The following ZNRF2 variants were observed in gnomAD, a reference collection of about 807,000 sequenced individuals.
ZNRF2 encodes zinc and ring finger 2.
Under a neutral mutation model 20.4 loss-of-function variants are expected in ZNRF2, and 16 were observed. The observed-to-expected ratio is 0.79, with a 90% CI of 0.53 to 1.19. ZNRF2 has a LOEUF of 1.19. Ranked by LOEUF, ZNRF2 falls within the 50% of genes most tolerant of loss-of-function variation. The probability of loss-of-function intolerance (pLI) is 0.00; values close to 1 mark genes in which losing one functional copy is unlikely to be tolerated. For synonymous variants in ZNRF2, 178 were observed against 144.9 expected, an observed-to-expected ratio of 1.23 and a Z score of -1.64; for missense variants, 363 against 332.4, an observed-to-expected ratio of 1.09 and a Z score of -0.72.
intron 2 of ZNRF2, among the ~76,000 whole-genome samples, chr7:30,326,076 A>G (rs1030044096): frequency 6.6e-6 from 1 of 152,082 alleles, no homozygotes; most frequent in African/African-American, 2.4e-5. Context: ...AGTATTCTGT[A>G]TGTTTACTTT....
intron 2 of ZNRF2, among the ~76,000 whole-genome samples, chr7:30,344,007 C>A (rs1799838553): frequency 6.7e-6 from 1 of 149,978 alleles, no homozygotes; most frequent in Non-Finnish European, 1.5e-5. Context: ...GCAACCTCTG[C>A]CTCCCAGGTT....
intron 2 of ZNRF2, among the ~76,000 whole-genome samples, chr7:30,354,488 ATAAT>A (rs1276791982): frequency 6.6e-6 from 1 of 152,172 alleles, no homozygotes; most frequent in Non-Finnish European, 1.5e-5. Context: ...TCTCAAATGA[ATAAT>A]TAAAGGGAAG....
intron 4 of ZNRF2, among the ~76,000 whole-genome samples, chr7:30,363,751 C>T (rs1437914164): frequency 2.7e-5 from 4 of 150,600 alleles, no homozygotes; most frequent in African/African-American, 9.9e-5. Context: ...TGGGTATTTT[C>T]ATAGGGCTTT....
intron 2 of ZNRF2, among the ~76,000 whole-genome samples, chr7:30,350,378 TA>T (rs1258258836): frequency 6.6e-6 from 1 of 151,922 alleles, no homozygotes; most frequent in Non-Finnish European, 1.5e-5. Flanking sequence ...AGATGAAGAG[TA>T]GCTACATGTT....
At chr7:30,345,039 A>G (rs1364619770) in intron 2 of ZNRF2, among the ~76,000 whole-genome samples, 2 of 152,132 alleles carry the variant, frequency 1.3e-5, no homozygotes, top group Non-Finnish European at 2.9e-5. Flanking sequence ...GGTATCAACT[A>G]GGGTTGAAAT....
intron 1 of ZNRF2, among the ~76,000 whole-genome samples, chr7:30,295,387 C>T (rs1421045902): frequency 3.9e-5 from 6 of 152,108 alleles, no homozygotes; most frequent in African/African-American, 1.4e-4. Flanking sequence ...AAGCAAGTTG[C>T]TTAGTTCCTC....
rs1800027475 is a variant in ZNRF2 at position 30,355,793 on chromosome 7, A to G, written c.631A>G (p.Thr211Ala). Reference protein sequence around the residue: ...ICLEELQQGDTIARLPCLCIY... With the variant: ...ICLEELQQGDAIARLPCLCIY... ...CCTTGAAGAATTGCAGCAGGGAGAT[A>G]CTATAGCACGACTGCCTTGTCTATG... Residue 211 changes from threonine to alanine, a missense_variant, in exon 3 of 5, where the codon ACT becomes GCT. This residue lies in a region of ZNRF2 where 61 missense variants were observed against 100.9 expected (regional missense o/e 0.60). Coordinates refer to ENST00000323037, the MANE Select transcript of ZNRF2 (RefSeq NM_147128.4). 1.2e-6 allele frequency: 2 copies of G among 1,613,532 alleles called. No individual in the cohort carries two copies. The highest frequency in any genetic ancestry group is 1.1e-5 in the South Asian group (1 of 91,038).
intron 1 of ZNRF2, among the ~76,000 whole-genome samples, chr7:30,287,233 C>T (rs1210152982): frequency 3.9e-5 from 6 of 152,158 alleles, no homozygotes; most frequent in Admixed American, 3.9e-4. Context: ...GTTGAAGTTG[C>T]TGTAGTCCGC....
chr7:30,286,580 A>T (rs1465475302), intron 1 of ZNRF2, among the ~76,000 whole-genome samples: 1 of 152,222 alleles, frequency 6.6e-6, no homozygotes, highest in African/African-American at 2.4e-5. Flanking sequence ...AGTTGTGAAA[A>T]ATGGACATTT....
intron 1 of ZNRF2, among the ~76,000 whole-genome samples, chr7:30,318,690 A>G (rs1799415704): frequency 6.6e-6 from 1 of 152,208 alleles, no homozygotes; most frequent in South Asian, 2.1e-4. Context: ...TACAAAGAAA[A>G]ATCTTTTTGC....
intron 1 of ZNRF2, among the ~76,000 whole-genome samples, chr7:30,316,953 T>C (rs1799385182): frequency 6.6e-6 from 1 of 152,238 alleles, no homozygotes; most frequent in African/African-American, 2.4e-5. Flanking sequence ...TTATGTTTTA[T>C]ATAGTCTAAA....
At position 30,295,090 on chromosome 7, in the gene ZNRF2, T is replaced by A. The variant is rs1383973298; in HGVS notation, c.469+9264T>A. Among the ~76,000 whole-genome samples, 75 of 144,598 alleles carry A rather than the reference T, an allele frequency of 5.2e-4. 6 individuals are homozygous for A. The highest frequency in any genetic ancestry group is 1.9e-3 in the African/African-American group (68 of 35,976). 94.9% of individuals were successfully genotyped at this position (144,598 alleles called of 152,430 possible). A position where few individuals can be genotyped will look rare whatever the true frequency, so the allele number is the denominator to read the frequency against. On this transcript the variant is annotated intron_variant, in intron 1 of 4. Transcript: ENST00000323037. Reference sequence around the variant, plus strand: ...GTGTGTGTGTGTGTGTGTGTGTGTGTGTGTGTGTGTGATTGCAGGTGTCAG... The same window carrying A: ...GTGTGTGTGTGTGTGTGTGTGTGTGAGTGTGTGTGTGATTGCAGGTGTCAG...
rs117920634 is a variant in ZNRF2 at position 30,329,664 on chromosome 7, C to G, written c.565+5927C>G. On this transcript the variant is annotated intron_variant, in intron 2 of 4. Coordinates refer to ENST00000323037, the MANE Select transcript of ZNRF2 (RefSeq NM_147128.4). ...TTCATTTGCATGGCTGAATAATATT[C>G]TATTGTTTATAGATACCACGTTTTC... Among the ~76,000 whole-genome samples the G allele has an allele frequency of 7.3e-3, 1,115 of 152,208 alleles. 6 individuals are homozygous for G. The highest frequency in any genetic ancestry group is 0.025 in the South Asian group (120 of 4,828).
chr7:30,333,614 C>A (rs544545320), intron 2 of ZNRF2, among the ~76,000 whole-genome samples: 1 of 152,102 alleles, frequency 6.6e-6, no homozygotes, highest in African/African-American at 2.4e-5. Flanking sequence ...GTGATCCTTC[C>A]GCCTCAGGCT....
At chr7:30,293,248 AT>A (rs71557451) in intron 1 of ZNRF2, among the ~76,000 whole-genome samples, 5,517 of 133,636 alleles carry the variant, frequency 0.041, 128 homozygotes, top group African/African-American at 0.081. Flanking sequence ...AAATTTTTAC[AT>A]TTTTTTTTTT....
At chr7:30,299,610 A>G (rs977794421) in intron 1 of ZNRF2, among the ~76,000 whole-genome samples, 1 of 151,904 alleles carries the variant, frequency 6.6e-6, no homozygotes, top group Non-Finnish European at 1.5e-5. Context: ...TGCTGATCCC[A>G]TTGTCTTCCC....
chr7:30,327,132 T>G (rs1799565297), intron 2 of ZNRF2, among the ~76,000 whole-genome samples: 2 of 152,198 alleles, frequency 1.3e-5, no homozygotes, highest in African/African-American at 4.8e-5. Context: ...AGCTCTTTAG[T>G]TTAATTAGAT....
At position 30,330,759 on chromosome 7, in the gene ZNRF2, T is replaced by A. The variant is rs1799625131; in HGVS notation, c.565+7022T>A. ...GCTTTCTGAAATTGGCATTTTTTTT[T>A]AACTGAAGTTAAAAAAAAAAAGAAA... is the stretch of plus-strand genomic sequence containing the variant. On this transcript the variant is annotated intron_variant, in intron 2 of 4. Coordinates refer to ENST00000323037, the MANE Select transcript of ZNRF2 (RefSeq NM_147128.4). 4.0e-5 allele frequency among the ~76,000 whole-genome samples: 6 copies of A among 151,436 alleles called. 1 individual carries two copies. Among genetic ancestry groups the A allele is most frequent in the Admixed American group, 3.9e-4 (6 of 15,240 alleles).
rs1309222710 is a variant in ZNRF2, at chr7:30,285,552, C to G, written c.195C>G (p.Ala65=). Reference sequence around the variant, plus strand: ...ACCAGCCCAGCGCCTCCGGCGGCGCCGCGGCGGCCGCGGCGGCCCCGGCAG... The same window carrying G: ...ACCAGCCCAGCGCCTCCGGCGGCGCGGCGGCGGCCGCGGCGGCCCCGGCAG... ...SAHQPSASGG[A]AAAAAAPAAP... The change falls in exon 1 of 5, where the codon GCC becomes GCG. Residue 65 remains alanine (A), a synonymous_variant. Coordinates refer to ENST00000323037, the MANE Select transcript of ZNRF2 (RefSeq NM_147128.4). 2 of 970,886 alleles carry G rather than the reference C, an allele frequency of 2.1e-6. No homozygotes were observed. The highest frequency in any genetic ancestry group is 2.4e-6 in the Non-Finnish European group (2 of 822,194). The allele number at this position is 970,886 out of a possible 1,614,324, so 60.1% of individuals were successfully genotyped here.
Sources: allele counts gnomAD v4.1 joint callset (sites outside exome capture counted in the v4.1 genomes callset), GRCh38; gene constraint gnomAD v4.1.1; regional missense constraint gnomAD v4.1.1; transcripts MANE v1.5; gene names NCBI Gene and HGNC (gene_info 2026-07-23, HGNC 2026-07-21).